The following RAB6A variants were observed in gnomAD, a reference collection of about 807,000 sequenced individuals.
RAB6A encodes the protein ras-related protein Rab-6A.
RAB6A carries 8 observed loss-of-function variants against 32.3 expected under a neutral mutation model. The observed-to-expected ratio is 0.25, with a 90% CI of 0.15 to 0.45. RAB6A has a LOEUF of 0.45. Among genes scored for constraint, RAB6A ranks in the 20% least tolerant of loss-of-function variants. The pLI is 1.00. For missense variants in RAB6A, 104 were observed against 249.4 expected (o/e 0.42, Z 3.93); for synonymous variants, 73 against 82.1 (o/e 0.89, Z 0.60).
At chr11:73,684,318 GCCA>G (rs1945407336) in intron 6 of RAB6A, among the ~76,000 whole-genome samples, 1 of 151,984 alleles carries the variant, frequency 6.6e-6, no homozygotes, top group African/African-American at 2.4e-5. Flanking sequence ...ACAGGCATCG[GCCA>G]CCACATCTGG....
At chr11:73,723,257 T>C (rs192656770) in intron 2 of RAB6A, among the ~76,000 whole-genome samples, 3 of 151,988 alleles carry the variant, frequency 2.0e-5, no homozygotes, top group African/African-American at 7.2e-5. Context: ...GGAATATTTA[T>C]TGAACTCTAT....
chr11:73,742,596 G>C (rs1946515827), intron 1 of RAB6A, among the ~76,000 whole-genome samples: 1 of 152,200 alleles, frequency 6.6e-6, no homozygotes. Context: ...TGGATCACCT[G>C]AGGTCAGGAG....
At chr11:73,723,587 C>G (rs1946174212) in intron 2 of RAB6A, among the ~76,000 whole-genome samples, 1 of 152,114 alleles carries the variant, frequency 6.6e-6, no homozygotes, top group Non-Finnish European at 1.5e-5. Flanking sequence ...CCTCGGCCTC[C>G]CAAAGTGCTG....
At chr11:73,707,010 C>A (rs1202526254) in intron 6 of RAB6A, among the ~76,000 whole-genome samples, 3 of 151,554 alleles carry the variant, frequency 2.0e-5, no homozygotes, top group Non-Finnish European at 4.4e-5. Context: ...CCCAGCTACC[C>A]GAGAGGCTGA....
intron 3 of RAB6A, among the ~76,000 whole-genome samples, chr11:73,720,326 G>GC (rs1057033941): frequency 6.6e-6 from 1 of 151,718 alleles, no homozygotes; most frequent in Non-Finnish European, 1.5e-5. Context: ...GATTATAGGC[G>GC]CCCGCCACCA....
At chr11:73,691,101 G>T (rs1012157680) in intron 6 of RAB6A, among the ~76,000 whole-genome samples, 1 of 152,102 alleles carries the variant, frequency 6.6e-6, no homozygotes, top group African/African-American at 2.4e-5. Context: ...GAAAGGGGAT[G>T]GCAGTGAGTG....
Position 73,716,389 on chromosome 11 carries a change from T to A in RAB6A, c.290-27A>T, listed in dbSNP as rs1946052962. The A allele has an allele frequency of 1.9e-6, 3 of 1,560,192 alleles. No homozygotes were observed. In the East Asian group the frequency reaches 6.8e-5, roughly 35 times the overall value. On this transcript the variant is annotated intron_variant, in intron 4 of 7. Transcript: ENST00000336083. ...TAGTATAGGAGGGTAGACAGAGAGATTAGTGTTGCTGAAAAATGCCTCCCC... is the reference window on the plus strand; with the variant it reads ...TAGTATAGGAGGGTAGACAGAGAGAATAGTGTTGCTGAAAAATGCCTCCCC...
intron 1 of RAB6A, among the ~76,000 whole-genome samples, chr11:73,732,390 T>C (rs1326089064): frequency 2.0e-5 from 3 of 151,902 alleles, no homozygotes; most frequent in African/African-American, 7.2e-5. Context: ...ATTGAGACCA[T>C]CCTGGCTAAC....
At chr11:73,700,098 A>T (rs910063444) in intron 6 of RAB6A, among the ~76,000 whole-genome samples, 1 of 152,204 alleles carries the variant, frequency 6.6e-6, no homozygotes, top group Admixed American at 6.5e-5. Flanking sequence ...TTGAAGATCA[A>T]GGAGTTTTTC....
chr11:73,727,395 C>A (rs1283065909), intron 2 of RAB6A, among the ~76,000 whole-genome samples: 1 of 150,056 alleles, frequency 6.7e-6, no homozygotes, highest in African/African-American at 2.4e-5. Flanking sequence ...CACTGCACTC[C>A]AGCCTGGGCG....
chr11:73,726,581 CAAAA>C (rs60281561), intron 2 of RAB6A, among the ~76,000 whole-genome samples: 5 of 29,862 alleles, frequency 1.7e-4, no homozygotes, highest in Admixed American at 6.7e-4. Flanking sequence ...GACTCTGTCT[CAAAA>C]AAAAAAAAAA....
intron 1 of RAB6A, among the ~76,000 whole-genome samples, chr11:73,740,109 T>C (rs1946471410): frequency 6.6e-6 from 1 of 151,712 alleles, no homozygotes; most frequent in Admixed American, 6.6e-5. Context: ...CTACAATCTA[T>C]AACTATGATA....
In RAB6A at chr11:73,726,375, G is replaced by A. The variant is rs544142481; in HGVS notation, c.129+4390C>T. Reference sequence around the variant, plus strand: ...AGGCGGGTGGATCACGAGGTCAGGAGATCGAGACCATCCTGGCTAGCACAG... The same window carrying A: ...AGGCGGGTGGATCACGAGGTCAGGAAATCGAGACCATCCTGGCTAGCACAG... On this transcript the variant is annotated intron_variant, in intron 2 of 7. Transcript: ENST00000336083. Among the ~76,000 whole-genome samples, 32 of 151,014 alleles carry A rather than the reference G, an allele frequency of 2.1e-4. No homozygotes were observed. The South Asian group carries it at 6.5e-3, about 31-fold the overall frequency.
chr11:73,757,756 T>A lies in RAB6A; in HGVS notation c.70+2810A>T, dbSNP rs185898772. On this transcript the variant is annotated intron_variant, in intron 1 of 7. Coordinates refer to ENST00000336083, the MANE Select transcript of RAB6A (RefSeq NM_198896.2). The stretch of plus-strand genomic sequence containing the variant: ...ACAATCAAATGATGTAAGTTTTAAG[T>A]GTTATTGTTAAACTATCAATTGCGT... Among the ~76,000 whole-genome samples, 276 of 152,302 alleles carry A rather than the reference T, an allele frequency of 1.8e-3. 1 individual carries two copies. The highest frequency in any genetic ancestry group is 3.4e-3 in the Middle Eastern group (1 of 294).
In RAB6A at chr11:73,677,779, T is replaced by C. The variant is rs752076272; in HGVS notation, c.*119A>G. ...CCACGAGACAGGCAGCAATGATGAA[T>C]TGCAATACGTTATTACTGAAGGGAA... On this transcript the variant is annotated 3_prime_UTR_variant, in exon 8 of 8. Transcript: ENST00000336083. 20 of 1,557,356 alleles carry C rather than the reference T, an allele frequency of 1.3e-5. No homozygotes were observed. The highest frequency in any genetic ancestry group is 1.8e-5 in the Non-Finnish European group (20 of 1,138,808).
At chr11:73,736,512 A>G (rs1002382561) in intron 1 of RAB6A, among the ~76,000 whole-genome samples, 16 of 151,512 alleles carry the variant, frequency 1.1e-4, no homozygotes, top group African/African-American at 3.6e-4. Flanking sequence ...ACAGTTGGCC[A>G]GGCGCGGTGT....
intron 1 of RAB6A, among the ~76,000 whole-genome samples, chr11:73,739,446 G>A (rs1295408024): frequency 1.3e-5 from 2 of 149,638 alleles, no homozygotes; most frequent in Non-Finnish European, 3.0e-5. Flanking sequence ...GCTGGGATGA[G>A]TCATGAGCCA....
intron 6 of RAB6A, among the ~76,000 whole-genome samples, chr11:73,690,555 C>CTTTT (rs60543922): frequency 1.1e-4 from 16 of 147,518 alleles, no homozygotes; most frequent in African/African-American, 3.7e-4. Flanking sequence ...CCAGCTAATT[C>CTTTT]TTTTTTTTTT....
At chr11:73,683,440 T>C (rs1945391729) in intron 6 of RAB6A, among the ~76,000 whole-genome samples, 2 of 150,606 alleles carry the variant, frequency 1.3e-5, no homozygotes, top group African/African-American at 4.9e-5. Flanking sequence ...ATTTTTTTTG[T>C]AGAAAAGAGG....
Sources: allele counts gnomAD v4.1 joint callset (sites outside exome capture counted in the v4.1 genomes callset), GRCh38; gene constraint gnomAD v4.1.1; transcripts MANE v1.5; gene names NCBI Gene and HGNC (gene_info 2026-07-23, HGNC 2026-07-21).